Variants in KLRG1 observed in about 807,000 individuals in gnomAD.
KLRG1 encodes the protein killer cell lectin like receptor G1, also known as killer cell lectin-like receptor subfamily G member 1.
Under a neutral mutation model 21.8 loss-of-function variants are expected in KLRG1, and 16 were observed. The ratio of observed to expected loss-of-function variants is 0.73; its 90% confidence interval spans 0.50 to 1.11. The LOEUF is 1.11. Ranked by LOEUF, KLRG1 falls within the 50% of genes most tolerant of loss-of-function variation. The pLI is 0.00. For synonymous variants in KLRG1, 69 were observed against 75.9 expected, an observed-to-expected ratio of 0.91 and a Z score of 0.47; for missense variants, 173 against 218.3, an observed-to-expected ratio of 0.79 and a Z score of 1.31.
At chr12:9,169,087 C>T in the KLRG1 span, 42 of 698,212 alleles carry the variant, frequency 6.0e-5, no homozygotes, top group African/African-American at 3.6e-4. Flanking sequence ...AATTCTATGG[C>T]GAAACACTTG....
the KLRG1 span, among the ~76,000 whole-genome samples, chr12:9,109,047 T>TGC: frequency 1.3e-5 from 2 of 151,970 alleles, no homozygotes; most frequent in African/African-American, 4.8e-5. Context: ...TGTGTGTGTG[T>TGC]GTGTGCAGTT....
the KLRG1 span, among the ~76,000 whole-genome samples, chr12:9,205,138 A>G: frequency 6.6e-6 from 1 of 152,298 alleles, no homozygotes; most frequent in African/African-American, 2.4e-5. Flanking sequence ...AAGTCATATT[A>G]TTTTGAAAAG....
At chr12:9,098,661 A>T in the KLRG1 span, 15 of 1,610,674 alleles carry the variant, frequency 9.3e-6, no homozygotes, top group Non-Finnish European at 1.3e-5. Flanking sequence ...TTTGGTCCAC[A>T]GCACGGAGGG....
the KLRG1 span, among the ~76,000 whole-genome samples, chr12:9,121,350 G>C: frequency 1.3e-5 from 2 of 152,088 alleles, no homozygotes; most frequent in Admixed American, 1.3e-4. The surrounding 1 kb of genome is among the most constrained non-coding windows in gnomAD (Gnocchi z 4.4). Context: ...AGACCATCCT[G>C]GCCAACATGG....
chr12:8,986,723 A>G (rs1021945067), upstream of KLRG1, among the ~76,000 whole-genome samples: 13 of 152,034 alleles, frequency 8.6e-5, no homozygotes, highest in Non-Finnish European at 1.8e-4. Flanking sequence ...TGTGGTTTGG[A>G]TCTGCATCCC....
the KLRG1 span, chr12:9,149,542 A>G: frequency 1.2e-6 from 2 of 1,608,564 alleles, no homozygotes; most frequent in Non-Finnish European, 1.7e-6. Context: ...AGTACTGGTC[A>G]TAAGTGGTGA....
At chr12:8,969,839 C>T (rs747315635) in intron 1 of KLRG1, among the ~76,000 whole-genome samples, 18 of 152,196 alleles carry the variant, frequency 1.2e-4, no homozygotes, top group Non-Finnish European at 2.1e-4. Context: ...AAGGGCTGGG[C>T]ATGGTGGGGC....
intron 3 of KLRG1, among the ~76,000 whole-genome samples, chr12:9,007,053 G>A (rs894965873): frequency 6.6e-5 from 10 of 152,162 alleles, no homozygotes; most frequent in African/African-American, 2.4e-4. Context: ...AGATTATTTG[G>A]GAAGAAAAGC....
At chr12:9,101,338 G>A in the KLRG1 span, 2 of 1,343,274 alleles carry the variant, frequency 1.5e-6, no homozygotes, top group Non-Finnish European at 2.1e-6. Context: ...CTTTCAAAAG[G>A]AACATGGATA....
At chr12:9,036,766 AT>A in the KLRG1 span, 1 of 378,836 alleles carries the variant, frequency 2.6e-6, no homozygotes, top group South Asian at 2.5e-5. Context: ...TGTGATGTTA[AT>A]TTTGATTTTG....
the KLRG1 span, chr12:9,149,720 C>T: frequency 3.6e-6 from 3 of 825,682 alleles, no homozygotes; most frequent in Middle Eastern, 2.6e-4. Context: ...ATTGTCAAAA[C>T]TTCATGTAAA....
At chr12:9,191,480 A>T in the KLRG1 span, among the ~76,000 whole-genome samples, 1 of 152,012 alleles carries the variant, frequency 6.6e-6, no homozygotes, top group Non-Finnish European at 1.5e-5. Context: ...AATTTTCAAA[A>T]CTGAAAAATA....
chr12:9,181,106 T>G, the KLRG1 span: 4 of 1,614,114 alleles, frequency 2.5e-6, no homozygotes, highest in Non-Finnish European at 3.4e-6. Flanking sequence ...CTGGGGGACT[T>G]TGTGCTGGGC....
At chr12:8,974,341 G>C (rs886973480) in intron 1 of KLRG1, among the ~76,000 whole-genome samples, 1 of 151,926 alleles carries the variant, frequency 6.6e-6, no homozygotes, top group Admixed American at 6.6e-5. Flanking sequence ...CTAATTTTTT[G>C]TATTTTTAGT....
the KLRG1 span, among the ~76,000 whole-genome samples, chr12:9,208,544 A>G: frequency 6.6e-6 from 1 of 152,066 alleles, no homozygotes; most frequent in Non-Finnish European, 1.5e-5. Context: ...TCAAGGCTAA[A>G]TTCTGATAGG....
the KLRG1 span, chr12:9,036,894 C>A: frequency 2.8e-6 from 1 of 355,658 alleles, no homozygotes; most frequent in African/African-American, 2.2e-5. Context: ...TAGTGGGCTA[C>A]CGGATGGGGG....
At chr12:9,156,959 T>C in the KLRG1 span, among the ~76,000 whole-genome samples, 1 of 152,082 alleles carries the variant, frequency 6.6e-6, no homozygotes, top group Non-Finnish European at 1.5e-5. Flanking sequence ...AGTTCTGGGG[T>C]ACATGTGCAG....
chr12:9,079,222 C>A, the KLRG1 span: 3 of 1,604,358 alleles, frequency 1.9e-6, no homozygotes, highest in Admixed American at 3.4e-5. Flanking sequence ...AAAAGAAGCT[C>A]AAAAAATTGT....
intron 1 of KLRG1, among the ~76,000 whole-genome samples, chr12:8,980,538 G>A (rs1304254263): frequency 6.6e-6 from 1 of 152,184 alleles, no homozygotes; most frequent in Non-Finnish European, 1.5e-5. Context: ...AAGGGTAGTG[G>A]CTGGGTGAGG....
Sources: allele counts gnomAD v4.1 joint callset (sites outside exome capture counted in the v4.1 genomes callset), GRCh38; gene constraint gnomAD v4.1.1; non-coding constraint Gnocchi (gnomAD v3.1); transcripts MANE v1.5; gene names NCBI Gene and HGNC (gene_info 2026-07-23, HGNC 2026-07-21).